The following ERRFI1 variants were observed in gnomAD, a reference collection of about 807,000 sequenced individuals.
The protein encoded by ERRFI1 is mitogen-inducible gene 6 protein.
Under a neutral mutation model 14.6 loss-of-function variants are expected in ERRFI1, and 12 were observed. The observed-to-expected ratio is 0.82, with a 90% confidence interval of 0.53 to 1.33. The LOEUF (loss-of-function observed/expected upper bound fraction) is 1.33. Ranked by LOEUF, ERRFI1 falls within the 40% of genes most tolerant of loss-of-function variation. The probability of loss-of-function intolerance (pLI) is 0.00; values close to 1 mark genes in which losing one functional copy is unlikely to be tolerated. For synonymous variants in ERRFI1, 202 were observed against 209.9 expected (o/e 0.96, Z 0.32); for missense variants, 482 against 572.1 (o/e 0.84, Z 1.61).
intron 3 of ERRFI1, 167 bp from the exon 4 acceptor site, chr1:8,014,563 GAGC>G: frequency 1.6e-6 from 1 of 615,752 alleles, no homozygotes; most frequent in Non-Finnish European, 2.8e-6. Context: ...TGTAATTAGA[GAGC>G]AGAAGATTCT....
At chr1:8,014,449 T>C in intron 3 of ERRFI1, 53 bp from the exon 4 acceptor site, 1 of 1,472,966 alleles carries the variant, frequency 6.8e-7, no homozygotes, top group South Asian at 1.4e-5. Context: ...TCTCCACCTG[T>C]GTGAGGGAGA....
In ERRFI1 at chr1:8,014,135, G is replaced by A. The variant is rs1299729594; in HGVS notation, c.464C>T (p.Pro155Leu). The A allele has an allele frequency of 2.5e-6, 4 of 1,614,166 alleles. No homozygotes were observed. Among genetic ancestry groups the A allele is most frequent in the East Asian group, 2.2e-5 (1 of 44,886 alleles). Residue 155 changes from proline to leucine, a missense_variant, in exon 4 of 4, where the codon CCG becomes CTG. Transcript: ENST00000377482. ...LCERGSRPLP[P>L]LPISEALSLD... ...AGAGAGGGCTTCAGAGATTGGCAAC[G>A]GTGGAAGAGGCCTAGAACCCCGTTC...
chr1:8,014,555 T>G, intron 3 of ERRFI1, 159 bp from the exon 4 acceptor site: 2 of 633,680 alleles, frequency 3.2e-6, no homozygotes, highest in Non-Finnish European at 5.3e-6. Context: ...ACCACAGGTG[T>G]AATTAGAGAG....
At chr1:8,023,607 A>G (rs920897374) in intron 1 of ERRFI1, among the ~76,000 whole-genome samples, 40 of 152,186 alleles carry the variant, frequency 2.6e-4, no homozygotes, top group African/African-American at 8.7e-4. Context: ...AGACACATTC[A>G]TTGAGACCTG....
intron 1 of ERRFI1, among the ~76,000 whole-genome samples, chr1:8,021,024 A>G (rs1641268044): frequency 6.6e-6 from 1 of 152,222 alleles, no homozygotes; most frequent in African/African-American, 2.4e-5. Flanking sequence ...ATACTCCTGC[A>G]TGAATTCAAG....
intron 1 of ERRFI1, among the ~76,000 whole-genome samples, chr1:8,025,773 C>T (rs991087938): frequency 6.6e-6 from 1 of 152,188 alleles, no homozygotes; most frequent in Non-Finnish European, 1.5e-5. Flanking sequence ...CCCGAACCCC[C>T]GTCCGCTCCT....
At position 8,015,310 on chromosome 1, in the gene ERRFI1, A is replaced by G. The variant is rs1453913981; in HGVS notation, c.200T>C (p.Leu67Pro). The G allele has an allele frequency of 6.2e-7, 1 of 1,613,386 alleles. No individual in the cohort carries two copies. The highest frequency in any genetic ancestry group is 8.5e-7 in the Non-Finnish European group (1 of 1,179,300). ...GATCAGATTTTCAGAATACATACCA[A>G]GTGGTATTAGGCGCTCCTGAGCAGA... ...NSSAQERLIP[L>P]GHASKSAPMN... Residue 67 changes from leucine to proline, a missense_variant and splice_region_variant, in exon 3 of 4, where the codon CTT (leucine) becomes CCT (proline). Transcript: ENST00000377482.
In ERRFI1 at chr1:8,012,537, T is replaced by C. The variant is rs1042704288; in HGVS notation, c.*673A>G. The C allele has an allele frequency of 4.4e-6, 1 of 225,698 alleles. No individual in the cohort carries two copies. Among genetic ancestry groups the C allele is most frequent in the East Asian group, 6.3e-5 (1 of 15,808 alleles). The allele number at this position is 225,698 out of a possible 1,614,324, so 14.0% of individuals were successfully genotyped here. A position where few individuals can be genotyped will look rare whatever the true frequency, so the allele number is the denominator to read the frequency against. Reference sequence around the variant, plus strand: ...TGTGTGACAGGTACAGGTGACAATATGGTTGCCAAGTAACCTGCTCTCCCT... The same window carrying C: ...TGTGTGACAGGTACAGGTGACAATACGGTTGCCAAGTAACCTGCTCTCCCT... On this transcript the variant is annotated 3_prime_UTR_variant, in exon 4 of 4. Coordinates refer to ENST00000377482, the MANE Select transcript of ERRFI1 (RefSeq NM_018948.4).
chr1:8,014,642 G>C, intron 3 of ERRFI1: 1 of 473,898 alleles, frequency 2.1e-6, no homozygotes, highest in East Asian at 3.3e-5. Context: ...TGTGCACAGC[G>C]CACACCCACA....
chr1:8,017,908 C>T (rs537858247), intron 1 of ERRFI1, among the ~76,000 whole-genome samples: 7 of 152,310 alleles, frequency 4.6e-5, no homozygotes, highest in African/African-American at 1.7e-4. Flanking sequence ...ACTTACATTT[C>T]AATGGTCACT....
chr1:8,020,717 G>C (rs1324194052), intron 1 of ERRFI1, among the ~76,000 whole-genome samples: 2 of 152,114 alleles, frequency 1.3e-5, no homozygotes, highest in East Asian at 3.9e-4. Context: ...GCTAATTTTT[G>C]TATTTTTAGT....
intron 1 of ERRFI1, among the ~76,000 whole-genome samples, chr1:8,023,510 C>T (rs1013210786): frequency 6.6e-6 from 1 of 152,110 alleles, no homozygotes. Flanking sequence ...TACTCTTGGG[C>T]TCAAGCCATC....
chr1:8,025,737 G>A (rs1457447190), intron 1 of ERRFI1, among the ~76,000 whole-genome samples: 2 of 151,980 alleles, frequency 1.3e-5, no homozygotes. Context: ...GCAGGCTGCG[G>A]GACGAGGACC....
chr1:8,022,642 C>A (rs1482896048), intron 1 of ERRFI1, among the ~76,000 whole-genome samples: 1 of 152,194 alleles, frequency 6.6e-6, no homozygotes. Flanking sequence ...TAGGCAACAA[C>A]CTCATTTCTC....
rs757229796 is a variant in ERRFI1 at position 8,013,226 on chromosome 1, T to A, written c.1373A>T (p.Tyr458Phe). 1 of 1,610,308 alleles carries A rather than the reference T, an allele frequency of 6.2e-7. No individual in the cohort carries two copies. Among genetic ancestry groups the A allele is most frequent in the African/African-American group, 1.3e-5 (1 of 74,602 alleles). Residue 458 changes from tyrosine (Y) to phenylalanine (F), a missense_variant, in exon 4 of 4, where the codon TAT becomes TTT. By Grantham distance (22) the Tyr-to-Phe change is conservative (BLOSUM62 3). Transcript: ENST00000377482. The surrounding 1 kb of genome is among the most constrained non-coding windows in gnomAD (Gnocchi z 4.3). ...GGHVKRKHLS[Y>F]VVSP ...CCCCAAGGTCTAAGGAGAAACCACATAGGATAAATGTTTACGCTTCACGTG... is the reference window on the plus strand; with the variant it reads ...CCCCAAGGTCTAAGGAGAAACCACAAAGGATAAATGTTTACGCTTCACGTG...
Position 8,013,779 on chromosome 1 carries a change from G to A in ERRFI1, c.820C>T (p.Pro274Ser). Residue 274 changes from proline (P) to serine (S), a missense_variant, in exon 4 of 4, where the codon CCT becomes TCT. Coordinates refer to ENST00000377482, the MANE Select transcript of ERRFI1 (RefSeq NM_018948.4). This position sits in a 1 kb window ranked among gnomAD's most constrained non-coding sequence, Gnocchi z 4.3. ...TCAGGTTTGTCTTCATCGGAGTTAG[G>A]AGAAGCTCTGTGTATACAACAGTTG... ...ISNCCIHRAS[P>S]NSDEDKPEVP... The A allele has an allele frequency of 6.2e-7, 1 of 1,614,184 alleles. No homozygotes were observed. The highest frequency in any genetic ancestry group is 1.1e-5 in the South Asian group (1 of 91,080).
intron 1 of ERRFI1, among the ~76,000 whole-genome samples, chr1:8,016,423 A>G (rs568928618): frequency 3.3e-5 from 5 of 152,346 alleles, no homozygotes; most frequent in African/African-American, 1.2e-4. Flanking sequence ...TTAAAGGTAC[A>G]TTCTTTACAT....
intron 1 of ERRFI1, among the ~76,000 whole-genome samples, chr1:8,021,543 G>A (rs1641274196): frequency 6.6e-6 from 1 of 152,118 alleles, no homozygotes; most frequent in Admixed American, 6.5e-5. Flanking sequence ...AAGACAACGA[G>A]CACAATGGTC....
In ERRFI1 at chr1:8,015,711, G is replaced by A. The variant is rs2124066805; in HGVS notation, c.-73-19C>T. On this transcript the variant is annotated intron_variant, in intron 1 of 3. Transcript: ENST00000377482. ...TCATTCCCTGGGAGGTAGAAGAGATGAGAGAATAAAGAAAACAATTCAGAA... is the reference window on the plus strand; with the variant it reads ...TCATTCCCTGGGAGGTAGAAGAGATAAGAGAATAAAGAAAACAATTCAGAA... 2 of 1,512,618 alleles carry A rather than the reference G, an allele frequency of 1.3e-6. No homozygotes were observed. The highest frequency in any genetic ancestry group is 1.8e-6 in the Non-Finnish European group (2 of 1,104,878). The allele number at this position is 1,512,618 out of a possible 1,614,324, so 93.7% of individuals were successfully genotyped here.
Sources: allele counts gnomAD v4.1 joint callset (sites outside exome capture counted in the v4.1 genomes callset), GRCh38; gene constraint gnomAD v4.1.1; non-coding constraint Gnocchi (gnomAD v3.1); transcripts MANE v1.5; gene names NCBI Gene and HGNC (gene_info 2026-07-23, HGNC 2026-07-21).